SIK3: variants seen among roughly 807,000 people sequenced by gnomAD.
The protein encoded by SIK3 is SIK family kinase 3, also known as serine/threonine-protein kinase SIK3.
Under a neutral mutation model 144.2 loss-of-function variants are expected in SIK3, and 28 were observed. The ratio of observed to expected loss-of-function variants is 0.19; its 90% CI spans 0.14 to 0.27. The LOEUF (loss-of-function observed/expected upper bound fraction) is 0.27, where lower values mean the gene tolerates loss of function less well. Ranked by LOEUF, SIK3 falls within the 10% of genes least tolerant of loss-of-function variation. SIK3 has a pLI of 1.00. For synonymous variants in SIK3, 686 were observed against 676.3 expected (o/e 1.01, Z -0.22); for missense variants, 1,319 against 1,776.0 (o/e 0.74, Z 4.62).
chr11:116,977,727 T>C (rs903072189), intron 1 of SIK3, among the ~76,000 whole-genome samples: 5 of 152,120 alleles, frequency 3.3e-5, no homozygotes, highest in African/African-American at 1.2e-4. Flanking sequence ...TTAAGACAGG[T>C]AGAATAAAAG....
chr11:116,895,355 A>T (rs1945341597), intron 6 of SIK3, among the ~76,000 whole-genome samples: 1 of 152,146 alleles, frequency 6.6e-6, no homozygotes, highest in Admixed American at 6.5e-5. Context: ...GTTTTCATGT[A>T]ACTTACCAAC....
At chr11:117,093,347 T>C (rs190103899) in intron 1 of SIK3, among the ~76,000 whole-genome samples, 1 of 152,242 alleles carries the variant, frequency 6.6e-6, no homozygotes, top group Admixed American at 6.5e-5. Context: ...CCGATGTGTC[T>C]GGCTAGTCAA....
chr11:116,847,465 AG>A lies in SIK3; in HGVS notation c.3952+10del, dbSNP rs1204846745. 1 of 1,613,988 alleles carries A rather than the reference AG, an allele frequency of 6.2e-7. No homozygotes were observed. The highest frequency in any genetic ancestry group is 8.5e-7 in the Non-Finnish European group (1 of 1,180,012). ...ACTTCTCTGGAGTGCCCCATGCATA[AG>A]GCTCCTCACCCTCATTTTCCCCATC... On this transcript the variant is annotated intron_variant, in intron 23 of 24. Coordinates refer to ENST00000445177, the MANE Select transcript of SIK3 (RefSeq NM_001366686.3).
chr11:116,924,578 A>C (rs1007749019), intron 4 of SIK3, among the ~76,000 whole-genome samples: 20 of 152,348 alleles, frequency 1.3e-4, no homozygotes, highest in Admixed American at 7.2e-4. Flanking sequence ...CCCTTTGGTC[A>C]AGGTGTTCCA....
chr11:116,849,361 T>C lies in SIK3; in HGVS notation c.3656-78A>G. ...GGAAACTCCCATCCAAGAAATGTCT[T>C]GCAAGGGACAATGGGCAAGGCTGAG... On this transcript the variant is annotated intron_variant, in intron 21 of 24. Transcript: ENST00000445177. This position sits in a 1 kb window ranked among gnomAD's most constrained non-coding sequence, Gnocchi z 4.2. 1 of 1,568,960 alleles carries C rather than the reference T, an allele frequency of 6.4e-7. No individual in the cohort carries two copies. The highest frequency in any genetic ancestry group is 8.7e-7 in the Non-Finnish European group (1 of 1,146,858).
At chr11:117,089,035 T>C (rs1177724502) in intron 1 of SIK3, among the ~76,000 whole-genome samples, 1 of 152,088 alleles carries the variant, frequency 6.6e-6, no homozygotes, top group Non-Finnish European at 1.5e-5. Context: ...ATTTCAAGTA[T>C]GTCAAAGCAC....
intron 7 of SIK3, 37 bp from the exon 8 acceptor site, chr11:116,876,400 A>C: frequency 6.7e-7 from 1 of 1,496,718 alleles, no homozygotes; most frequent in Non-Finnish European, 9.3e-7. Flanking sequence ...CAACCCCCCA[A>C]TTAACCACAT....
intron 4 of SIK3, among the ~76,000 whole-genome samples, chr11:116,911,365 G>T (rs1018519491): frequency 3.1e-4 from 47 of 152,054 alleles, no homozygotes; most frequent in African/African-American, 1.1e-3. Context: ...AAATTAGCTG[G>T]GTGTGGTGGC....
At position 117,037,343 on chromosome 11, in the gene SIK3, G is replaced by A. The variant is rs11216243; in HGVS notation, c.273+60800C>T. On this transcript the variant is annotated intron_variant, in intron 1 of 24. Transcript: ENST00000445177. ...ATCAAGAGTCTCTGTAAAATATATAGCAATATAATAAATTCACAACAGCCC... is the reference window on the plus strand; with the variant it reads ...ATCAAGAGTCTCTGTAAAATATATAACAATATAATAAATTCACAACAGCCC... Among the ~76,000 whole-genome samples the A allele has an allele frequency of 2.0e-5, 3 of 152,208 alleles. No individual in the cohort carries two copies. In the South Asian group the frequency reaches 6.2e-4, roughly 31 times the overall value.
intron 1 of SIK3, among the ~76,000 whole-genome samples, chr11:117,075,903 G>A (rs187446513): frequency 1.5e-5 from 2 of 130,358 alleles, no homozygotes; most frequent in Non-Finnish European, 3.1e-5. Context: ...AGGCTGGAGT[G>A]CAATGCACGA....
intron 1 of SIK3, among the ~76,000 whole-genome samples, chr11:117,007,635 C>T (rs562049608): frequency 8.5e-4 from 129 of 152,318 alleles, no homozygotes; most frequent in African/African-American, 3.0e-3. Flanking sequence ...ATCTTTATAG[C>T]TGCCCCCTCA....
chr11:117,011,224 TC>T (rs969565793), intron 1 of SIK3, among the ~76,000 whole-genome samples: 1 of 152,102 alleles, frequency 6.6e-6, no homozygotes, highest in Non-Finnish European at 1.5e-5. Flanking sequence ...CCTTTTTTTT[TC>T]CCCCTGTAAA....
At chr11:117,092,787 T>A (rs1420334464) in intron 1 of SIK3, among the ~76,000 whole-genome samples, 1 of 152,236 alleles carries the variant, frequency 6.6e-6, no homozygotes, top group Non-Finnish European at 1.5e-5. Context: ...AGCATCCATT[T>A]TGTTCTCTTT....
chr11:116,982,292 CT>C (rs11397827), intron 1 of SIK3, among the ~76,000 whole-genome samples: 174 of 141,402 alleles, frequency 1.2e-3, no homozygotes, highest in Middle Eastern at 3.7e-3. Flanking sequence ...TGAAATGATG[CT>C]TTTTTTTTTT....
intron 3 of SIK3, among the ~76,000 whole-genome samples, chr11:116,929,902 G>T (rs545875629): frequency 6.6e-6 from 1 of 152,166 alleles, no homozygotes; most frequent in Non-Finnish European, 1.5e-5. Flanking sequence ...TCTACACATC[G>T]ATTGTCACTG....
intron 3 of SIK3, among the ~76,000 whole-genome samples, chr11:116,947,191 T>TATATAATTATTTATATATAATATATA (rs1565487124): frequency 1.8e-4 from 6 of 32,990 alleles, no homozygotes; most frequent in African/African-American, 4.6e-4. Context: ...TATAATATAT[T>TATATAATTATTTATATATAATATATA]ATATACAAAT....
At position 116,926,559 on chromosome 11, in the gene SIK3, A is replaced by C. The variant is rs181148356; in HGVS notation, c.616+660T>G. On this transcript the variant is annotated intron_variant, in intron 4 of 24. Transcript: ENST00000445177. ...TCTGTGTCAGCAGTGACATAAATCAACCTTCTCAAGTGAAGGTGAGAGGGT... is the reference window on the plus strand; with the variant it reads ...TCTGTGTCAGCAGTGACATAAATCACCCTTCTCAAGTGAAGGTGAGAGGGT... Among the ~76,000 whole-genome samples, 6 of 152,298 alleles carry C rather than the reference A, an allele frequency of 3.9e-5. No individual in the cohort carries two copies. The East Asian group carries it at 1.2e-3, about 29-fold the overall frequency.
intron 4 of SIK3, among the ~76,000 whole-genome samples, chr11:116,921,023 A>C (rs571845973): frequency 1.1e-4 from 17 of 152,340 alleles, no homozygotes; most frequent in Non-Finnish European, 2.9e-5. Flanking sequence ...TGCCGGCTCC[A>C]TGCTGAGTGA....
At chr11:116,873,151 C>T (rs1394556470) in intron 13 of SIK3, among the ~76,000 whole-genome samples, 5 of 152,190 alleles carry the variant, frequency 3.3e-5, no homozygotes, top group Non-Finnish European at 5.9e-5. Flanking sequence ...GAAAGGTTGC[C>T]TGGGAGAAGG....
Sources: gnomAD v4.1 joint callset for allele counts (sites outside exome capture counted in the v4.1 genomes callset) on GRCh38, gnomAD v4.1.1 for gene constraint, Gnocchi (gnomAD v3.1) non-coding constraint, MANE v1.5 for transcripts, NCBI Gene and HGNC (gene_info 2026-07-23, HGNC 2026-07-21) for gene names.